The following SFXN5 variants were observed in gnomAD, a reference collection of about 807,000 sequenced individuals.
SFXN5 encodes sideroflexin-5.
In SFXN5, 43 loss-of-function variants were observed where a neutral mutation model predicts 50.2. The observed-to-expected ratio is 0.86, with a 90% confidence interval of 0.67 to 1.11. The LOEUF (loss-of-function observed/expected upper bound fraction) is 1.11, where lower values mean the gene tolerates loss of function less well. SFXN5 is among the 50% of genes least tolerant of loss of function. SFXN5 has a pLI of 0.00. For missense variants in SFXN5, 463 were observed against 454.1 expected, an observed-to-expected ratio of 1.02 and a Z score of -0.18; for synonymous variants, 203 against 185.8, an observed-to-expected ratio of 1.09 and a Z score of -0.75.
rs1671588070 is a variant in SFXN5, at chr2:72,943,006, G to A, written c.*2016C>T. On this transcript the variant is annotated 3_prime_UTR_variant, in exon 14 of 14. Coordinates refer to ENST00000272433, the MANE Select transcript of SFXN5 (RefSeq NM_144579.3). ...TAGTTCAGGCCTAGAGACCAGCACA[G>A]CGCAGCAGTCACTGGCATATTCACA... 1 of 152,324 alleles carries A rather than the reference G, an allele frequency of 6.6e-6. No homozygotes were observed. The highest frequency in any genetic ancestry group is 1.5e-5 in the Non-Finnish European group (1 of 68,096). The allele number at this position is 152,324 out of a possible 1,614,324, so 9.4% of individuals were successfully genotyped here.
At chr2:73,055,705 C>T (rs1682015807) in intron 2 of SFXN5, among the ~76,000 whole-genome samples, 1 of 151,946 alleles carries the variant, frequency 6.6e-6, no homozygotes, top group African/African-American at 2.4e-5. Flanking sequence ...CAAGCTCCGC[C>T]TCCCAAGTTC....
intron 11 of SFXN5, 133 bp from the exon 12 acceptor site, chr2:72,968,666 G>T: frequency 1.6e-5 from 10 of 639,148 alleles, no homozygotes; most frequent in Admixed American, 3.4e-5. Flanking sequence ...GATTGCTCAG[G>T]AAGCTGCATT....
intron 2 of SFXN5, among the ~76,000 whole-genome samples, chr2:73,046,914 C>T (rs1680415174): frequency 6.7e-6 from 1 of 149,652 alleles, no homozygotes; most frequent in Non-Finnish European, 1.5e-5. Context: ...ATCTCACTTG[C>T]TGCTATTGGG....
intron 1 of SFXN5, among the ~76,000 whole-genome samples, chr2:73,060,137 C>G (rs1682629836): frequency 6.6e-6 from 1 of 152,152 alleles, no homozygotes; most frequent in Admixed American, 6.5e-5. Context: ...TCCTGGTCCA[C>G]TAACAGAGAC....
chr2:73,060,893 G>A (rs1012361642), intron 1 of SFXN5, among the ~76,000 whole-genome samples: 3 of 151,870 alleles, frequency 2.0e-5, no homozygotes, highest in Non-Finnish European at 4.4e-5. Flanking sequence ...AGTTGAGACA[G>A]GGTTTCACCA....
intron 9 of SFXN5, among the ~76,000 whole-genome samples, chr2:72,989,811 C>T (rs1407733384): frequency 6.6e-6 from 1 of 152,228 alleles, no homozygotes; most frequent in Non-Finnish European, 1.5e-5. Flanking sequence ...TTGCAGAGGC[C>T]TCTGCTTCCC....
At chr2:73,023,390 A>C (rs1677157055) in intron 3 of SFXN5, among the ~76,000 whole-genome samples, 176 bp from the exon 4 acceptor site, 1 of 152,120 alleles carries the variant, frequency 6.6e-6, no homozygotes, top group African/African-American at 2.4e-5. Context: ...GGGGGGTGAC[A>C]TCAGAGAGTA....
At chr2:72,966,506 C>T (rs1463803549) in intron 12 of SFXN5, among the ~76,000 whole-genome samples, 5 of 152,176 alleles carry the variant, frequency 3.3e-5, no homozygotes, top group Admixed American at 2.0e-4. Context: ...TGCAAACTTC[C>T]ATACCATACG....
At chr2:73,059,959 A>C (rs1682615124) in intron 1 of SFXN5, 1 of 740,566 alleles carries the variant, frequency 1.4e-6, no homozygotes, top group Non-Finnish European at 1.6e-6. Context: ...ATATGACTGA[A>C]TACTATGCAG....
intron 13 of SFXN5, among the ~76,000 whole-genome samples, chr2:72,951,018 G>C (rs1002467607): frequency 6.6e-6 from 1 of 151,784 alleles, no homozygotes. Context: ...GGGCACCCAA[G>C]AGCCAGTCAA....
intron 12 of SFXN5, among the ~76,000 whole-genome samples, chr2:72,967,810 C>A (rs1057100550): frequency 8.5e-5 from 13 of 152,214 alleles, no homozygotes; most frequent in African/African-American, 2.9e-4. Flanking sequence ...GCCTTTCCTT[C>A]CAGCGGAGTT....
rs138451781 is a variant in SFXN5, at chr2:73,052,908, T to C, written c.171+5620A>G. Reference sequence around the variant, plus strand: ...GATTCCCCCACATGGCCAGACACAGTGGCTCATGCCTGTAATCCCAGCACT... The same window carrying C: ...GATTCCCCCACATGGCCAGACACAGCGGCTCATGCCTGTAATCCCAGCACT... On this transcript the variant is annotated intron_variant, in intron 2 of 13. Transcript: ENST00000272433. Among the ~76,000 whole-genome samples the C allele has an allele frequency of 8.6e-3, 1,315 of 152,356 alleles. 20 individuals are homozygous for C. The highest frequency in any genetic ancestry group is 0.029 in the African/African-American group (1,189 of 41,586).
At position 73,050,420 on chromosome 2, in the gene SFXN5, A is replaced by ACACACACACACACACACACACACC. The variant is rs1553523879; in HGVS notation, c.171+8107_171+8108insGGTGTGTGTGTGTGTGTGTGTGTG. Among the ~76,000 whole-genome samples the ACACACACACACACACACACACACC allele has an allele frequency of 1.0e-3, 141 of 140,780 alleles. 1 individual carries two copies. Among genetic ancestry groups the ACACACACACACACACACACACACC allele is most frequent in the African/African-American group, 3.0e-3 (122 of 40,254 alleles). The allele number at this position is 140,780 out of a possible 152,430, so 92.4% of individuals were successfully genotyped here. ...CACACACACACACACACACACACAC[A>ACACACACACACACACACACACACC]CCCCTGCAGAGTTAGCACCACATGG... On this transcript the variant is annotated intron_variant, in intron 2 of 13. Transcript: ENST00000272433.
intron 12 of SFXN5, among the ~76,000 whole-genome samples, chr2:72,965,707 TC>T (rs1674312505): frequency 6.6e-6 from 1 of 152,160 alleles, no homozygotes; most frequent in African/African-American, 2.4e-5. Context: ...AGGAAACTTT[TC>T]CTGTTTCACC....
intron 10 of SFXN5, among the ~76,000 whole-genome samples, chr2:72,983,691 C>T (rs867091114): frequency 2.6e-5 from 4 of 152,332 alleles, no homozygotes; most frequent in Middle Eastern, 6.8e-3. Flanking sequence ...GACAACACCT[C>T]TGTCTCCACC....
chr2:72,957,435 A>T (rs931655574), intron 13 of SFXN5, among the ~76,000 whole-genome samples: 1 of 152,250 alleles, frequency 6.6e-6, no homozygotes, highest in African/African-American at 2.4e-5. Flanking sequence ...GAAGGATTGA[A>T]GTCCTTGCCT....
intron 3 of SFXN5, among the ~76,000 whole-genome samples, chr2:73,026,126 C>CT (rs759334127): frequency 2.5e-4 from 34 of 133,724 alleles, no homozygotes; most frequent in Non-Finnish European, 2.8e-4. Context: ...TGTGTGGCTG[C>CT]TTTTTTTTTT....
chr2:72,965,510 G>A (rs1328139809), intron 12 of SFXN5, among the ~76,000 whole-genome samples: 2 of 152,130 alleles, frequency 1.3e-5, no homozygotes, highest in Non-Finnish European at 2.9e-5. Context: ...ACCTATGGAT[G>A]GCTAAACTAA....
At chr2:73,014,513 C>A (rs896601289) in intron 6 of SFXN5, among the ~76,000 whole-genome samples, 20 of 152,190 alleles carry the variant, frequency 1.3e-4, no homozygotes, top group Non-Finnish European at 2.4e-4. Flanking sequence ...ATTGTCTTCA[C>A]TATTCTTATC....
Sources: gnomAD v4.1 joint callset for allele counts (sites outside exome capture counted in the v4.1 genomes callset) on GRCh38, gnomAD v4.1.1 for gene constraint, MANE v1.5 for transcripts, NCBI Gene and HGNC (gene_info 2026-07-23, HGNC 2026-07-21) for gene names.